Variants in C12orf42 observed in about 807,000 individuals in gnomAD.
The protein encoded by C12orf42 is uncharacterized protein C12orf42.
In C12orf42, 25 loss-of-function variants were observed where a neutral mutation model predicts 21.6. That is an observed-to-expected ratio of 1.16 (90% CI 0.84 to 1.62). The LOEUF (loss-of-function observed/expected upper bound fraction) is 1.62. C12orf42 is among the 40% of genes most tolerant of loss of function. The probability of loss-of-function intolerance (pLI) is 0.00; values close to 1 mark genes in which losing one functional copy is unlikely to be tolerated. For missense variants in C12orf42, 483 were observed against 459.3 expected, an observed-to-expected ratio of 1.05 and a Z score of -0.47; for synonymous variants, 174 against 175.0, an observed-to-expected ratio of 0.99 and a Z score of 0.05.
At chr12:103,157,404 T>C in the C12orf42 span, among the ~76,000 whole-genome samples, 1 of 152,190 alleles carries the variant, frequency 6.6e-6, no homozygotes, top group Non-Finnish European at 1.5e-5. Flanking sequence ...TTGCAAAATT[T>C]TTCTCCCATT....
At chr12:103,531,971 G>C in the C12orf42 span, among the ~76,000 whole-genome samples, 1 of 152,188 alleles carries the variant, frequency 6.6e-6, no homozygotes, top group East Asian at 1.9e-4. Context: ...TGATAAGGCA[G>C]ACTCTGCTGC....
At chr12:103,416,532 T>C (rs750385491) in intron 2 of C12orf42, among the ~76,000 whole-genome samples, 3 of 152,064 alleles carry the variant, frequency 2.0e-5, no homozygotes, top group Non-Finnish European at 4.4e-5. Context: ...CTCTTGAGAC[T>C]GAAGAAAGCA....
At chr12:103,336,786 G>C (rs1021398361) in intron 4 of C12orf42, among the ~76,000 whole-genome samples, 1 of 152,090 alleles carries the variant, frequency 6.6e-6, no homozygotes, top group Non-Finnish European at 1.5e-5. Flanking sequence ...TGCATCGCTG[G>C]GAAAAATAGG....
chr12:103,052,616 T>C, the C12orf42 span, among the ~76,000 whole-genome samples: 11 of 150,942 alleles, frequency 7.3e-5, no homozygotes, highest in East Asian at 1.9e-3. Context: ...TACGTGTGAC[T>C]TTTTTCACTT....
the C12orf42 span, among the ~76,000 whole-genome samples, chr12:103,211,103 T>C: frequency 6.6e-6 from 1 of 152,192 alleles, no homozygotes; most frequent in Non-Finnish European, 1.5e-5. Context: ...TGGATTATTG[T>C]TTCCTGAGTT....
chr12:103,541,007 G>A, the C12orf42 span, among the ~76,000 whole-genome samples: 6 of 152,006 alleles, frequency 3.9e-5, no homozygotes, highest in Admixed American at 1.3e-4. Context: ...GGGTTCAAGC[G>A]ATTCTCCTGT....
At chr12:103,179,314 G>T in the C12orf42 span, among the ~76,000 whole-genome samples, 1 of 152,192 alleles carries the variant, frequency 6.6e-6, no homozygotes, top group African/African-American at 2.4e-5. Context: ...AAGAAACCCA[G>T]AGTGGTTTGT....
At chr12:103,426,507 G>A (rs1949821304) in intron 2 of C12orf42, among the ~76,000 whole-genome samples, 2 of 152,176 alleles carry the variant, frequency 1.3e-5, no homozygotes, top group Admixed American at 1.3e-4. Context: ...AAAGTGATGG[G>A]GGAGAATGGA....
At chr12:103,358,569 G>A (rs1378469840) in intron 4 of C12orf42, among the ~76,000 whole-genome samples, 1 of 150,712 alleles carries the variant, frequency 6.6e-6, no homozygotes, top group African/African-American at 2.4e-5. Flanking sequence ...CTCCAACCCA[G>A]TAAATGGCAG....
At chr12:103,300,964 G>C (rs1401879375), downstream of C12orf42, among the ~76,000 whole-genome samples, 1 of 152,112 alleles carries the variant, frequency 6.6e-6, no homozygotes, top group African/African-American at 2.4e-5. Context: ...AAAGTTTAGG[G>C]ATTCCATTTT....
chr12:103,397,027 T>C (rs183061800), intron 3 of C12orf42, among the ~76,000 whole-genome samples: 1 of 152,348 alleles, frequency 6.6e-6, no homozygotes, highest in East Asian at 1.9e-4. Flanking sequence ...TGTGTCTACA[T>C]CTCAAATGGT....
chr12:103,083,093 G>A, the C12orf42 span, among the ~76,000 whole-genome samples: 8 of 152,178 alleles, frequency 5.3e-5, no homozygotes, highest in Non-Finnish European at 8.8e-5. Context: ...GACTGGGCAC[G>A]GTGGCTGACG....
downstream of C12orf42, among the ~76,000 whole-genome samples, chr12:103,233,183 T>C (rs1490336671): frequency 1.3e-5 from 2 of 152,234 alleles, no homozygotes; most frequent in Non-Finnish European, 2.9e-5. Context: ...CATTGTTATA[T>C]TTGTCTGTTC....
chr12:103,450,572 TC>T (rs1276621434), intron 2 of C12orf42, among the ~76,000 whole-genome samples: 1 of 152,100 alleles, frequency 6.6e-6, no homozygotes, highest in Admixed American at 6.5e-5. Flanking sequence ...ACAGCATTGT[TC>T]CACAGCAATT....
At chr12:103,391,854 T>A (rs1490135896) in intron 3 of C12orf42, among the ~76,000 whole-genome samples, 2 of 152,144 alleles carry the variant, frequency 1.3e-5, no homozygotes, top group African/African-American at 2.4e-5. Flanking sequence ...TTATCTATAT[T>A]TTCTTTTTTT....
the C12orf42 span, among the ~76,000 whole-genome samples, chr12:103,066,407 C>A: frequency 6.6e-6 from 1 of 152,204 alleles, no homozygotes; most frequent in Non-Finnish European, 1.5e-5. Flanking sequence ...CTTATCTCCC[C>A]CATCCTGCAC....
At chr12:103,544,018 T>G in the C12orf42 span, among the ~76,000 whole-genome samples, 1 of 151,948 alleles carries the variant, frequency 6.6e-6, no homozygotes, top group African/African-American at 2.4e-5. Context: ...CTCAGCCTCC[T>G]GAGTAGCTGG....
chr12:103,405,361 G>T (rs1211953443), intron 2 of C12orf42, among the ~76,000 whole-genome samples: 3 of 152,158 alleles, frequency 2.0e-5, no homozygotes, highest in Admixed American at 6.5e-5. Flanking sequence ...TAATATACTA[G>T]CCAAGAAATG....
intron 4 of C12orf42, among the ~76,000 whole-genome samples, chr12:103,368,518 T>C (rs769191194): frequency 6.6e-6 from 1 of 152,078 alleles, no homozygotes; most frequent in Non-Finnish European, 1.5e-5. Context: ...GAGACTGTTC[T>C]AGATGAATGA....
Sources: allele counts gnomAD v4.1 joint callset (sites outside exome capture counted in the v4.1 genomes callset), GRCh38; gene constraint gnomAD v4.1.1; transcripts MANE v1.5; gene names NCBI Gene and HGNC (gene_info 2026-07-23, HGNC 2026-07-21).